The following C9orf85 variants were observed in gnomAD, a reference collection of about 807,000 sequenced individuals.
C9orf85 encodes uncharacterized protein C9orf85.
A neutral mutation model predicts 14.9 loss-of-function variants in C9orf85; 16 were observed. The observed-to-expected ratio is 1.08, with a 90% CI of 0.73 to 1.63. C9orf85 has a LOEUF of 1.63. Ranked by LOEUF, C9orf85 falls within the 40% of genes most tolerant of loss-of-function variation. The pLI, the probability that C9orf85 is intolerant of heterozygous loss-of-function variation, is 0.00. For missense variants in C9orf85, 172 were observed against 186.1 expected (o/e 0.92, Z 0.44); for synonymous variants, 45 against 56.8 (o/e 0.79, Z 0.93).
intron 1 of C9orf85, among the ~76,000 whole-genome samples, chr9:71,938,450 T>C (rs1828245386): frequency 6.6e-6 from 1 of 152,056 alleles, no homozygotes; most frequent in African/African-American, 2.4e-5. Context: ...AATGCACAAA[T>C]TTGAGACTTG....
At chr9:71,973,524 A>G (rs1471340705), downstream of C9orf85, 1 of 152,234 alleles carries the variant, frequency 6.6e-6, no homozygotes, top group Non-Finnish European at 1.5e-5. Context: ...ATGTTTAACA[A>G]GCGTATAGCA....
At chr9:71,948,647 G>A (rs1302619148) in intron 2 of C9orf85, among the ~76,000 whole-genome samples, 3 of 151,968 alleles carry the variant, frequency 2.0e-5, no homozygotes, top group African/African-American at 7.3e-5. Context: ...TCAGCCTCCT[G>A]AGTAGCTGGG....
chr9:71,944,169 G>A (rs1028347253), intron 1 of C9orf85, among the ~76,000 whole-genome samples: 1 of 151,796 alleles, frequency 6.6e-6, no homozygotes. Flanking sequence ...AGGAGGCAGA[G>A]GTTGCAGTGA....
chr9:71,977,941 C>T (rs1325865770), downstream of C9orf85, among the ~76,000 whole-genome samples: 1 of 152,168 alleles, frequency 6.6e-6, no homozygotes, highest in Admixed American at 6.5e-5. Flanking sequence ...AAATCTCATA[C>T]ATGAAACTTT....
chr9:71,937,344 A>G (rs1034050997), intron 1 of C9orf85, among the ~76,000 whole-genome samples: 4 of 152,212 alleles, frequency 2.6e-5, no homozygotes, highest in African/African-American at 9.6e-5. Context: ...GCTGAAATAA[A>G]TCAGTGGTTA....
At chr9:71,942,468 G>A (rs892947148) in intron 1 of C9orf85, among the ~76,000 whole-genome samples, 94 of 152,264 alleles carry the variant, frequency 6.2e-4, no homozygotes, top group African/African-American at 2.1e-3. Context: ...TGACTGCTTT[G>A]TAATTTCCCT....
chr9:71,915,329 C>T (rs951306251), intron 1 of C9orf85, among the ~76,000 whole-genome samples: 2 of 151,590 alleles, frequency 1.3e-5, no homozygotes, highest in East Asian at 1.9e-4. Flanking sequence ...TTCAGGGGCA[C>T]ACAACCATGC....
At chr9:71,978,895 C>T (rs979876009) in intron 3 of C9orf85, among the ~76,000 whole-genome samples, 1 of 152,034 alleles carries the variant, frequency 6.6e-6, no homozygotes, top group Non-Finnish European at 1.5e-5. Flanking sequence ...ATTAGCCGGG[C>T]GTGGAGGCGG....
intron 1 of C9orf85, among the ~76,000 whole-genome samples, chr9:71,943,067 T>C (rs890343952): frequency 1.3e-5 from 2 of 152,154 alleles, no homozygotes; most frequent in Non-Finnish European, 2.9e-5. Flanking sequence ...CTTTTAAATA[T>C]GATTAAATAA....
intron 1 of C9orf85, among the ~76,000 whole-genome samples, chr9:71,944,186 A>G (rs549419382): frequency 3.0e-4 from 45 of 151,542 alleles, no homozygotes; most frequent in African/African-American, 9.9e-4. Flanking sequence ...GTGAGCTAAG[A>G]TTGCCCCACT....
chr9:71,927,064 C>T (rs1377939571), intron 1 of C9orf85, among the ~76,000 whole-genome samples: 1 of 151,994 alleles, frequency 6.6e-6, no homozygotes, highest in Non-Finnish European at 1.5e-5. Flanking sequence ...AGAGAAATTG[C>T]TACCCTCTTT....
chr9:71,919,412 A>G (rs1256600711), intron 1 of C9orf85, among the ~76,000 whole-genome samples: 2 of 152,238 alleles, frequency 1.3e-5, no homozygotes, highest in African/African-American at 4.8e-5. Flanking sequence ...AGAATCTACC[A>G]TAGATCTGAA....
At chr9:71,966,402 A>G (rs1275131316) in intron 2 of C9orf85, among the ~76,000 whole-genome samples, 1 of 152,220 alleles carries the variant, frequency 6.6e-6, no homozygotes, top group African/African-American at 2.4e-5. Flanking sequence ...TTTCTTAGCA[A>G]TGGACTCATA....
chr9:71,976,610 C>G (rs948237151), downstream of C9orf85, among the ~76,000 whole-genome samples: 1 of 150,256 alleles, frequency 6.7e-6, no homozygotes, highest in Non-Finnish European at 1.5e-5. Flanking sequence ...TACAGTGAGC[C>G]GAGATCGCGC....
intron 1 of C9orf85, among the ~76,000 whole-genome samples, chr9:71,935,833 T>C (rs951445463): frequency 1.3e-5 from 2 of 152,058 alleles, no homozygotes; most frequent in African/African-American, 4.8e-5. Flanking sequence ...TGAATGTATT[T>C]AATACCACTC....
intron 1 of C9orf85, among the ~76,000 whole-genome samples, chr9:71,940,533 A>G (rs1203533449): frequency 6.6e-6 from 1 of 152,242 alleles, no homozygotes; most frequent in African/African-American, 2.4e-5. Context: ...TGAAATCGTA[A>G]TGAAATAATA....
intron 1 of C9orf85, among the ~76,000 whole-genome samples, chr9:71,917,913 T>C (rs1370315646): frequency 2.0e-5 from 3 of 152,246 alleles, no homozygotes; most frequent in African/African-American, 4.8e-5. Context: ...CTGGGCACAG[T>C]GGCTCATGCC....
At position 71,918,500 on chromosome 9, in the gene C9orf85, C is replaced by T. The variant is rs373558784; in HGVS notation, c.102+6664C>T. The T allele has an allele frequency of 4.9e-4, 610 of 1,245,924 alleles. 2 individuals carry two copies. The African/African-American group carries it at 5.6e-3, about 11-fold the overall frequency. 77.2% of individuals were successfully genotyped at this position (1,245,924 alleles called of 1,614,324 possible). ...GCAGGGGTCCCCAGCCCCCGACCCC[C>T]GCATCGGTCCATGGCCTGTCAGGAA... On this transcript the variant is annotated intron_variant, in intron 1 of 3. Coordinates refer to ENST00000334731, the MANE Select transcript of C9orf85 (RefSeq NM_182505.5).
chr9:71,953,082 C>A (rs1325819086), intron 2 of C9orf85, among the ~76,000 whole-genome samples: 1 of 152,070 alleles, frequency 6.6e-6, no homozygotes, highest in African/African-American at 2.4e-5. Context: ...AAGGGTGCTA[C>A]TGACACACAG....
Sources: allele counts gnomAD v4.1 joint callset (sites outside exome capture counted in the v4.1 genomes callset), GRCh38; gene constraint gnomAD v4.1.1; transcripts MANE v1.5; gene names NCBI Gene and HGNC (gene_info 2026-07-23, HGNC 2026-07-21).